Variants in XYLT1 observed in about 807,000 individuals in gnomAD.
The protein encoded by XYLT1 is beta-D-xylosyltransferase 1.
XYLT1 carries 36 observed loss-of-function variants against 91.3 expected under a neutral mutation model. The ratio of observed to expected loss-of-function variants is 0.39; its 90% confidence interval spans 0.30 to 0.52. The LOEUF (loss-of-function observed/expected upper bound fraction) is 0.52. XYLT1 is among the 20% of genes least tolerant of loss of function. The pLI, the probability that XYLT1 is intolerant of heterozygous loss-of-function variation, is 0.68. For missense variants in XYLT1, 1,242 were observed against 1,284.5 expected, an observed-to-expected ratio of 0.97 and a Z score of 0.51; for synonymous variants, 588 against 532.0, an observed-to-expected ratio of 1.11 and a Z score of -1.45.
intron 2 of XYLT1, among the ~76,000 whole-genome samples, chr16:17,278,647 A>G (rs993745677): frequency 1.3e-5 from 2 of 152,196 alleles, no homozygotes; most frequent in Non-Finnish European, 2.9e-5. Flanking sequence ...CAAGCTCCAT[A>G]TAACAGCATC....
intron 3 of XYLT1, among the ~76,000 whole-genome samples, chr16:17,201,623 C>T (rs2032544778): frequency 6.6e-6 from 1 of 152,036 alleles, no homozygotes; most frequent in Non-Finnish European, 1.5e-5. Flanking sequence ...TACAGGCACG[C>T]AACACCATGC....
chr16:17,170,735 T>C (rs1016402113), intron 5 of XYLT1, among the ~76,000 whole-genome samples: 7 of 152,220 alleles, frequency 4.6e-5, no homozygotes. Flanking sequence ...CCTGGGTTTA[T>C]TCAAATAATC....
At chr16:17,359,039 GA>G (rs1387178263) in intron 1 of XYLT1, among the ~76,000 whole-genome samples, 1 of 152,188 alleles carries the variant, frequency 6.6e-6, no homozygotes, top group East Asian at 1.9e-4. Flanking sequence ...GGTACAGGAG[GA>G]GGAAAAGACT....
intron 5 of XYLT1, among the ~76,000 whole-genome samples, chr16:17,187,286 C>T (rs1240806550): frequency 9.4e-5 from 14 of 148,326 alleles, no homozygotes; most frequent in African/African-American, 2.2e-4. Flanking sequence ...CCCAGCTACT[C>T]GGGAGGCTGA....
At chr16:17,411,797 T>A (rs916142642) in intron 1 of XYLT1, among the ~76,000 whole-genome samples, 1 of 152,178 alleles carries the variant, frequency 6.6e-6, no homozygotes, top group Non-Finnish European at 1.5e-5. Context: ...CTCCGGAAAC[T>A]GTCCAAGAAG....
intron 1 of XYLT1, among the ~76,000 whole-genome samples, chr16:17,419,148 C>G (rs1409550637): frequency 6.6e-6 from 1 of 151,732 alleles, no homozygotes; most frequent in Non-Finnish European, 1.5e-5. Context: ...AGAGAGGGAG[C>G]CTGCTTCCTT....
chr16:17,219,483 T>G (rs2032924435), intron 3 of XYLT1, among the ~76,000 whole-genome samples: 1 of 152,116 alleles, frequency 6.6e-6, no homozygotes, highest in East Asian at 1.9e-4. Context: ...TTATGCTGTC[T>G]TGGTGCTTGT....
At chr16:17,155,658 T>C (rs2031387447) in intron 6 of XYLT1, among the ~76,000 whole-genome samples, 2 of 152,226 alleles carry the variant, frequency 1.3e-5, no homozygotes, top group South Asian at 4.1e-4. Flanking sequence ...TGGCTTGTTT[T>C]ACTATTAAAT....
intron 5 of XYLT1, among the ~76,000 whole-genome samples, chr16:17,166,182 G>T (rs1324051917): frequency 6.6e-6 from 1 of 152,238 alleles, no homozygotes; most frequent in Non-Finnish European, 1.5e-5. Context: ...CTTCTGTCAA[G>T]CAACGGGGTC....
intron 2 of XYLT1, among the ~76,000 whole-genome samples, chr16:17,289,072 C>T (rs2034184293): frequency 6.6e-6 from 1 of 152,174 alleles, no homozygotes; most frequent in African/African-American, 2.4e-5. Flanking sequence ...TGATCTATAC[C>T]TAGGGTCAAG....
At chr16:17,256,543 C>G (rs1300851371) in intron 3 of XYLT1, among the ~76,000 whole-genome samples, 1 of 150,608 alleles carries the variant, frequency 6.6e-6, no homozygotes, top group East Asian at 2.0e-4. Flanking sequence ...CCCAGTTACT[C>G]GGGAGGCTGA....
rs1233874298 is a variant in XYLT1, at chr16:17,108,604, C to T, written c.*91G>A. 5 of 1,310,340 alleles carry T rather than the reference C, an allele frequency of 3.8e-6. No individual in the cohort carries two copies. Among genetic ancestry groups the T allele is most frequent in the African/African-American group, 3.0e-5 (2 of 67,532 alleles). The allele number at this position is 1,310,340 out of a possible 1,614,324, so 81.2% of individuals were successfully genotyped here. ...AGAGACCCATTCACAGAGGGCCTCC[C>T]CCAGGGTGGGAGGCCGGGGTTCAGG... is the stretch of plus-strand genomic sequence containing the variant. On this transcript the variant is annotated 3_prime_UTR_variant, in exon 12 of 12. Coordinates refer to ENST00000261381, the MANE Select transcript of XYLT1 (RefSeq NM_022166.4).
At chr16:17,428,224 T>G (rs2036342734) in intron 1 of XYLT1, among the ~76,000 whole-genome samples, 2 of 152,162 alleles carry the variant, frequency 1.3e-5, no homozygotes, top group Admixed American at 1.3e-4. Context: ...CCTCAGATGA[T>G]CTGCCCGCCT....
At chr16:17,389,055 C>T (rs9932532) in intron 1 of XYLT1, among the ~76,000 whole-genome samples, 101,139 of 152,136 alleles carry the variant, frequency 0.66, 36,382 homozygotes, top group African/African-American at 0.93. Flanking sequence ...AGCTAAGTCA[C>T]GTGGGCAACA....
chr16:17,251,968 G>A (rs545730506), intron 3 of XYLT1, among the ~76,000 whole-genome samples: 1 of 152,070 alleles, frequency 6.6e-6, no homozygotes, highest in East Asian at 1.9e-4. Context: ...AAGCTACTGG[G>A]GCTGTGTCTG....
intron 2 of XYLT1, among the ~76,000 whole-genome samples, chr16:17,322,025 C>T (rs574132021): frequency 2.6e-5 from 4 of 152,232 alleles, no homozygotes; most frequent in East Asian, 3.9e-4. Flanking sequence ...AGATGTTTCA[C>T]GAATAATGAC....
intron 2 of XYLT1, among the ~76,000 whole-genome samples, chr16:17,335,300 AG>A (rs1465885829): frequency 1.3e-5 from 2 of 152,186 alleles, no homozygotes; most frequent in African/African-American, 4.8e-5. Context: ...CATATGAGGC[AG>A]CCCCTTTTAT....
chr16:17,321,907 C>T (rs1555497392), intron 2 of XYLT1, among the ~76,000 whole-genome samples: 12 of 152,146 alleles, frequency 7.9e-5, no homozygotes, highest in Non-Finnish European at 5.9e-5. Context: ...GCTATCTTTT[C>T]TGTGAACTTG....
intron 5 of XYLT1, among the ~76,000 whole-genome samples, chr16:17,196,539 G>A (rs1383557180): frequency 1.3e-5 from 2 of 152,140 alleles, no homozygotes; most frequent in Admixed American, 1.3e-4. Context: ...TGACATCCAC[G>A]TGGGAGTTCA....
Sources: allele counts gnomAD v4.1 joint callset (sites outside exome capture counted in the v4.1 genomes callset), GRCh38; gene constraint gnomAD v4.1.1; transcripts MANE v1.5; gene names NCBI Gene and HGNC (gene_info 2026-07-23, HGNC 2026-07-21).